Variants in USP44 observed in about 807,000 individuals in gnomAD.
USP44 encodes ubiquitin specific peptidase 44.
In USP44, 61 loss-of-function variants were observed where a neutral mutation model predicts 69.0. The ratio of observed to expected loss-of-function variants is 0.88; its 90% CI spans 0.72 to 1.09. The LOEUF (loss-of-function observed/expected upper bound fraction) is 1.09, where lower values mean the gene tolerates loss of function less well. USP44 is among the 50% of genes least tolerant of loss of function. The pLI, the probability that USP44 is intolerant of heterozygous loss-of-function variation, is 0.00. For synonymous variants in USP44, 297 were observed against 295.4 expected, an observed-to-expected ratio of 1.01 and a Z score of -0.06; for missense variants, 753 against 849.9, an observed-to-expected ratio of 0.89 and a Z score of 1.42.
In USP44 at chr12:95,518,094, C is replaced by T. The variant is rs767358029; in HGVS notation, c.*60G>A. The T allele has an allele frequency of 4.5e-6, 7 of 1,552,140 alleles. No homozygotes were observed. The highest frequency in any genetic ancestry group is 6.2e-6 in the Non-Finnish European group (7 of 1,133,750). On this transcript the variant is annotated 3_prime_UTR_variant, in exon 6 of 6. Coordinates refer to ENST00000258499, the MANE Select transcript of USP44 (RefSeq NM_032147.5). Reference sequence around the variant, plus strand: ...AGAAAAAATGAAGTTTAAAATGGTACATCAGTCTTTTAAAAAGTATATATA... The same window carrying T: ...AGAAAAAATGAAGTTTAAAATGGTATATCAGTCTTTTAAAAAGTATATATA...
chr12:95,530,095 A>G (rs927904696), intron 2 of USP44, among the ~76,000 whole-genome samples: 1 of 152,208 alleles, frequency 6.6e-6, no homozygotes, highest in African/African-American at 2.4e-5. Flanking sequence ...TGAACTAACA[A>G]TTCACATATG....
chr12:95,533,083 T>A lies in USP44; in HGVS notation c.1174A>T (p.Met392Leu), dbSNP rs1388443292. The change falls in exon 2 of 6, where the codon ATG becomes TTG. Residue 392 changes from methionine to leucine, a missense_variant. Coordinates refer to ENST00000258499, the MANE Select transcript of USP44 (RefSeq NM_032147.5). ...CHELHTLFQVMWSGKWALVSP... is the reference protein window; with the variant it reads ...CHELHTLFQVLWSGKWALVSP... ...ACCAACGCCCACTTTCCAGACCACA[T>A]GACTTGGAACAAAGTATGCAATTCA... The A allele has an allele frequency of 3.1e-6, 5 of 1,614,104 alleles. No homozygotes were observed. Among genetic ancestry groups the A allele is most frequent in the Non-Finnish European group, 4.2e-6 (5 of 1,180,052 alleles).
rs371858152 is a variant in USP44 at position 95,533,677 on chromosome 12, G to A, written c.580C>T (p.Arg194Trp). The A allele has an allele frequency of 1.4e-5, 22 of 1,613,686 alleles. No homozygotes were observed. Among genetic ancestry groups the A allele is most frequent in the Non-Finnish European group, 1.6e-5 (19 of 1,180,014 alleles). Residue 194 changes from arginine to tryptophan, a missense_variant, in exon 2 of 6, where the codon CGG becomes TGG. By Grantham distance (101) the Arg-to-Trp change is moderately radical (BLOSUM62 -3). Transcript: ENST00000258499. ...TTAACTTGATACTCCAATTCCTGCC[G>A]TCTTTTCTTTACTTCTCTTTTTACT... is the stretch of plus-strand genomic sequence containing the variant. ...IVVKREVKKR[R>W]QELEYQVKAE...
At position 95,528,792 on chromosome 12, in the gene USP44, A is replaced by G. The variant is rs2076930671; in HGVS notation, c.1624+15T>C. ...ATTCCTAGGAAAGCACCAAGAACAC[A>G]ACGTCTTTACTCACAGTTACACTGG... is the stretch of plus-strand genomic sequence containing the variant. On this transcript the variant is annotated intron_variant, in intron 3 of 5. Coordinates refer to ENST00000258499, the MANE Select transcript of USP44 (RefSeq NM_032147.5). 2 of 1,604,870 alleles carry G rather than the reference A, an allele frequency of 1.2e-6. No homozygotes were observed. The highest frequency in any genetic ancestry group is 1.1e-5 in the South Asian group (1 of 89,120).
At chr12:95,546,463 A>G (rs1021621423) in intron 1 of USP44, 3 of 152,326 alleles carry the variant, frequency 2.0e-5, no homozygotes, top group Admixed American at 6.5e-5. Flanking sequence ...TTATTTGTAG[A>G]ATCCTCCTGT....
intron 3 of USP44, among the ~76,000 whole-genome samples, chr12:95,527,203 T>C (rs1214721114): frequency 6.6e-6 from 1 of 151,874 alleles, no homozygotes; most frequent in Non-Finnish European, 1.5e-5. Flanking sequence ...CAGGTGATTC[T>C]CCTGCCTCGG....
chr12:95,540,651 C>T (rs1215844937), intron 1 of USP44, among the ~76,000 whole-genome samples: 2 of 152,050 alleles, frequency 1.3e-5, no homozygotes, highest in African/African-American at 4.8e-5. Context: ...CTCTCCCTCC[C>T]ATCTTTTTTA....
At chr12:95,538,058 T>C (rs1185007109) in intron 1 of USP44, among the ~76,000 whole-genome samples, 1 of 152,222 alleles carries the variant, frequency 6.6e-6, no homozygotes, top group Non-Finnish European at 1.5e-5. Flanking sequence ...AAACACATCA[T>C]TCTATTTGAT....
intron 1 of USP44, among the ~76,000 whole-genome samples, chr12:95,543,688 C>T (rs977372849): frequency 7.3e-5 from 11 of 151,688 alleles, no homozygotes; most frequent in African/African-American, 2.7e-4. Context: ...CATACCAGGC[C>T]GGGCGCGGTG....
intron 1 of USP44, among the ~76,000 whole-genome samples, chr12:95,550,449 C>T (rs1317428862): frequency 6.6e-6 from 1 of 152,126 alleles, no homozygotes; most frequent in African/African-American, 2.4e-5. Flanking sequence ...GTGCACTTCT[C>T]CCACTCAAAA....
rs1199214238 is a variant in USP44 at position 95,533,495 on chromosome 12, A to G, written c.762T>C (p.Ser254=). 6.2e-7 allele frequency: 1 copy of G among 1,614,146 alleles called. No homozygotes were observed. Among genetic ancestry groups the G allele is most frequent in the Admixed American group, 1.7e-5 (1 of 60,016 alleles). ...KVLSTSENEI[S]QKVSDSSVKR... is the part of the protein sequence containing the mutation. ...TAACTGAGGAGTCACTGACTTTTTGAGATATTTCATTTTCTGAGGTAGAGA... is the reference window on the plus strand; with the variant it reads ...TAACTGAGGAGTCACTGACTTTTTGGGATATTTCATTTTCTGAGGTAGAGA... The change falls in exon 2 of 6, where the codon TCT becomes TCC. Residue 254 remains serine (S), a synonymous_variant. Coordinates refer to ENST00000258499, the MANE Select transcript of USP44 (RefSeq NM_032147.5).
At chr12:95,543,749 G>A (rs553251096) in intron 1 of USP44, among the ~76,000 whole-genome samples, 29 of 151,718 alleles carry the variant, frequency 1.9e-4, no homozygotes, top group African/African-American at 6.5e-4. Flanking sequence ...GGCAGATCAC[G>A]AGGTCAGGGG....
chr12:95,521,386 G>A (rs775906496), intron 4 of USP44, among the ~76,000 whole-genome samples, 184 bp from the exon 5 acceptor site: 1 of 152,170 alleles, frequency 6.6e-6, no homozygotes, highest in Non-Finnish European at 1.5e-5. Flanking sequence ...TTGCCTTCTT[G>A]TAGTTAGATG....
At position 95,548,628 on chromosome 12, in the gene USP44, C is replaced by G. The variant is rs978911282; in HGVS notation, c.-71+2644G>C. On this transcript the variant is annotated intron_variant, in intron 1 of 5. Coordinates refer to ENST00000258499, the MANE Select transcript of USP44 (RefSeq NM_032147.5). The surrounding 1 kb of genome is among the most constrained non-coding windows in gnomAD (Gnocchi z 4.1). ...GCGCCCGCAGCCCCAGGCTCTCCCT[C>G]TCTCAGGACCCCCCAGCGCCCTGCG... is the stretch of plus-strand genomic sequence containing the variant. 6.6e-6 allele frequency: 1 copy of G among 152,488 alleles called. No individual in the cohort carries two copies. Among genetic ancestry groups the G allele is most frequent in the African/African-American group, 2.4e-5 (1 of 41,438 alleles). The allele number at this position is 152,488 out of a possible 1,614,324, so 9.4% of individuals were successfully genotyped here.
chr12:95,549,482 C>T (rs74798087), intron 1 of USP44, among the ~76,000 whole-genome samples: 1 of 152,110 alleles, frequency 6.6e-6, no homozygotes, highest in Non-Finnish European at 1.5e-5. Flanking sequence ...GCTAAGGTAC[C>T]TGAAAATTAA....
chr12:95,524,274 G>T (rs911053021), intron 4 of USP44, among the ~76,000 whole-genome samples: 1 of 151,566 alleles, frequency 6.6e-6, no homozygotes, highest in African/African-American at 2.4e-5. Context: ...TAGAGATGGG[G>T]TTTCACCATG....
At chr12:95,521,250 A>G (rs1474369158) in intron 4 of USP44, 48 bp from the exon 5 acceptor site, 2 of 1,569,218 alleles carry the variant, frequency 1.3e-6, no homozygotes, top group Non-Finnish European at 1.8e-6. Context: ...AGGGAAAATA[A>G]CCACGTACTA....
At chr12:95,550,691 T>C (rs909417202) in intron 1 of USP44, among the ~76,000 whole-genome samples, 1 of 152,152 alleles carries the variant, frequency 6.6e-6, no homozygotes, top group African/African-American at 2.4e-5. Context: ...GTTTGGGAGA[T>C]AGGAAGAGTC....
At chr12:95,519,416 G>A (rs2076576073) in intron 5 of USP44, among the ~76,000 whole-genome samples, 1 of 148,626 alleles carries the variant, frequency 6.7e-6, no homozygotes, top group Non-Finnish European at 1.5e-5. Flanking sequence ...TTTCAGACAA[G>A]GTATACTCAA....
Sources: allele counts gnomAD v4.1 joint callset (sites outside exome capture counted in the v4.1 genomes callset), GRCh38; gene constraint gnomAD v4.1.1; non-coding constraint Gnocchi (gnomAD v3.1); transcripts MANE v1.5; gene names NCBI Gene and HGNC (gene_info 2026-07-23, HGNC 2026-07-21).